NFIA: variants seen among roughly 807,000 people sequenced by gnomAD.
The protein encoded by NFIA is nuclear factor I A, also known as nuclear factor 1 A-type.
Under a neutral mutation model 62.8 loss-of-function variants are expected in NFIA, and 8 were observed. That is an observed-to-expected ratio of 0.13 (90% CI 0.07 to 0.23). The LOEUF is 0.23. Among genes scored for constraint, NFIA ranks in the 10% least tolerant of loss-of-function variants. The pLI is 1.00. For synonymous variants in NFIA, 235 were observed against 238.1 expected (o/e 0.99, Z 0.12); for missense variants, 410 against 642.1 (o/e 0.64, Z 3.91).
intron 4 of NFIA, among the ~76,000 whole-genome samples, chr1:61,338,088 C>T (rs936412549): frequency 2.6e-5 from 4 of 152,190 alleles, no homozygotes; most frequent in African/African-American, 9.7e-5. Context: ...CCCAAGCCGG[C>T]TGCAAGGGTT....
upstream of NFIA, chr1:61,081,941 T>C (rs1646100881): frequency 3.2e-6 from 5 of 1,550,254 alleles, no homozygotes; most frequent in African/African-American, 4.1e-5. Context: ...GAAATTTGCA[T>C]ACATGCAAAT....
At chr1:61,262,470 G>A (rs879337472) in intron 2 of NFIA, among the ~76,000 whole-genome samples, 3 of 152,166 alleles carry the variant, frequency 2.0e-5, no homozygotes, top group Non-Finnish European at 4.4e-5. Flanking sequence ...CAGTACCAAC[G>A]AGGCAGCATT....
chr1:61,202,545 T>C (rs550040525), intron 2 of NFIA, among the ~76,000 whole-genome samples: 1 of 152,356 alleles, frequency 6.6e-6, no homozygotes, highest in East Asian at 1.9e-4. Flanking sequence ...ACCAGGTCTA[T>C]AGAAATATCA....
upstream of NFIA, chr1:61,082,194 CG>C (rs1646107056): frequency 2.1e-4 from 1 of 4,766 alleles, no homozygotes; most frequent in Non-Finnish European, 4.2e-4. Flanking sequence ...ATGCGCTGAT[CG>C]GGGGAGGGGG....
chr1:61,235,755 G>A (rs1654971713), intron 2 of NFIA, among the ~76,000 whole-genome samples: 1 of 150,388 alleles, frequency 6.6e-6, no homozygotes, highest in South Asian at 2.1e-4. Flanking sequence ...TGAAGCTGCA[G>A]TGAGCTGTGA....
intron 3 of NFIA, among the ~76,000 whole-genome samples, chr1:61,322,179 G>C (rs1244963022): frequency 6.6e-6 from 1 of 152,108 alleles, no homozygotes; most frequent in East Asian, 1.9e-4. Flanking sequence ...AATACATACT[G>C]TACTAGCAAA....
intron 3 of NFIA, among the ~76,000 whole-genome samples, chr1:61,315,032 A>G (rs1207780194): frequency 6.7e-6 from 1 of 149,768 alleles, no homozygotes; most frequent in Non-Finnish European, 1.5e-5. Context: ...TAATTAAAGC[A>G]CCTGAAACAA....
chr1:61,133,520 A>G (rs1647119909), intron 2 of NFIA, among the ~76,000 whole-genome samples: 1 of 152,286 alleles, frequency 6.6e-6, no homozygotes, highest in African/African-American at 2.4e-5. Context: ...CTGACATACA[A>G]CTGGTACTCA....
intron 3 of NFIA, among the ~76,000 whole-genome samples, chr1:61,304,327 C>T (rs1408082390): frequency 6.6e-6 from 1 of 152,154 alleles, no homozygotes; most frequent in African/African-American, 2.4e-5. Flanking sequence ...TTGAGCTATG[C>T]TCTCTCTCCA....
chr1:61,155,733 C>T (rs1210576030), intron 2 of NFIA, among the ~76,000 whole-genome samples: 2 of 151,446 alleles, frequency 1.3e-5, no homozygotes, highest in African/African-American at 4.8e-5. Flanking sequence ...ATTTCCTTTT[C>T]CCTCTAGATC....
intron 2 of NFIA, among the ~76,000 whole-genome samples, chr1:61,090,093 T>C (rs1570127474): frequency 6.6e-6 from 1 of 152,224 alleles, no homozygotes; most frequent in South Asian, 2.1e-4. Flanking sequence ...AAGTGACCTC[T>C]AAGCAGGAAT....
At chr1:61,397,205 C>T (rs2100510108) in intron 7 of NFIA, among the ~76,000 whole-genome samples, 1 of 152,166 alleles carries the variant, frequency 6.6e-6, no homozygotes, top group Middle Eastern at 3.4e-3. Context: ...GTTTGGTCAG[C>T]AAAGACTATT....
rs888885463 is a variant in NFIA at position 61,459,905 on chromosome 1, G to T, written c.*4585G>T. 6.6e-6 allele frequency: 1 copy of T among 152,054 alleles called. No individual in the cohort carries two copies. The highest frequency in any genetic ancestry group is 2.4e-5 in the African/African-American group (1 of 41,366). The allele number at this position is 152,054 out of a possible 1,614,324, so 9.4% of individuals were successfully genotyped here. A position where few individuals can be genotyped will look rare whatever the true frequency, so the allele number is the denominator to read the frequency against. On this transcript the variant is annotated 3_prime_UTR_variant, in exon 11 of 11. Transcript: ENST00000403491. ...TCTAGAAATATCTTTGTCCATAGTG[G>T]TGGTGGAGTCTCTCTCTCTCTCTCT...
chr1:61,393,794 G>A (rs1403201797), intron 7 of NFIA, among the ~76,000 whole-genome samples: 3 of 152,170 alleles, frequency 2.0e-5, no homozygotes, highest in African/African-American at 7.2e-5. Context: ...AAGCTGGCCT[G>A]AGCACTGGCC....
chr1:61,362,274 T>G (rs1175492997), intron 6 of NFIA, among the ~76,000 whole-genome samples: 2 of 152,166 alleles, frequency 1.3e-5, no homozygotes, highest in African/African-American at 2.4e-5. Flanking sequence ...AGTTCACATG[T>G]AAATTACCTT....
At chr1:61,349,687 G>A (rs1011846758) in intron 4 of NFIA, among the ~76,000 whole-genome samples, 4 of 152,016 alleles carry the variant, frequency 2.6e-5, no homozygotes, top group East Asian at 1.9e-4. Flanking sequence ...TGATCCTCCC[G>A]TCTCAGCCTC....
chr1:61,169,603 AC>A (rs1440847664), intron 2 of NFIA, among the ~76,000 whole-genome samples: 1 of 152,212 alleles, frequency 6.6e-6, no homozygotes, highest in Non-Finnish European at 1.5e-5. Flanking sequence ...GTGTTCGTGT[AC>A]TCAGTAATGT....
intron 2 of NFIA, among the ~76,000 whole-genome samples, chr1:61,201,524 A>G (rs1435523389): frequency 1.3e-5 from 2 of 152,014 alleles, no homozygotes; most frequent in African/African-American, 4.8e-5. Flanking sequence ...AAAAAACAAA[A>G]AAAAAAAAGG....
At chr1:61,170,112 C>G (rs959412066) in intron 2 of NFIA, among the ~76,000 whole-genome samples, 1 of 152,032 alleles carries the variant, frequency 6.6e-6, no homozygotes, top group Non-Finnish European at 1.5e-5. Flanking sequence ...CTGTGTTGGC[C>G]TCCTCATCTG....
Sources: allele counts gnomAD v4.1 joint callset (sites outside exome capture counted in the v4.1 genomes callset), GRCh38; gene constraint gnomAD v4.1.1; transcripts MANE v1.5; gene names NCBI Gene and HGNC (gene_info 2026-07-23, HGNC 2026-07-21).